The following TLN2 variants were observed in gnomAD, a reference collection of about 807,000 sequenced individuals.
The protein encoded by TLN2 is talin-2.
A neutral mutation model predicts 294.7 loss-of-function variants in TLN2; 118 were observed. The ratio of observed to expected loss-of-function variants is 0.40; its 90% CI spans 0.34 to 0.47. The LOEUF (loss-of-function observed/expected upper bound fraction) is 0.47. Among genes scored for constraint, TLN2 ranks in the 20% least tolerant of loss-of-function variants. TLN2 has a pLI of 0.84. For missense variants in TLN2, 3,083 were observed against 3,282.2 expected, an observed-to-expected ratio of 0.94 and a Z score of 1.48; for synonymous variants, 1,431 against 1,304.5, an observed-to-expected ratio of 1.10 and a Z score of -2.09.
At chr15:62,707,314 G>C in intron 20 of TLN2, 61 bp downstream of exon 20, 5 of 1,507,274 alleles carry the variant, frequency 3.3e-6, no homozygotes, top group Non-Finnish European at 4.4e-6. Context: ...CCTGCCTCCA[G>C]GCATTTGGTG....
At position 62,708,682 on chromosome 15, in the gene TLN2, C is replaced by T. The variant is rs746088148; in HGVS notation, c.2353C>T (p.Leu785=). ...GGTCAGCCAGGCCCTCCATGATCTC[C>T]TGCAGCATGTGCGGCAGTTTGCCAG... ...SVVSQALHDL[L]QHVRQFASRG... The change falls in exon 21 of 59, where the codon CTG becomes TTG. Residue 785 remains leucine, a synonymous_variant. Transcript: ENST00000636159. 2.5e-6 allele frequency: 4 copies of T among 1,614,130 alleles called. No individual in the cohort carries two copies. In the South Asian group the frequency reaches 3.3e-5, roughly 13 times the overall value.
At chr15:62,734,240 A>G (rs1409164062) in intron 28 of TLN2, 1 of 152,226 alleles carries the variant, frequency 6.6e-6, no homozygotes, top group Non-Finnish European at 1.5e-5. Context: ...CTAATTACAT[A>G]TGATAAATGA....
At position 62,800,713 on chromosome 15, in the gene TLN2, A is replaced by G. The variant is rs1430706447; in HGVS notation, c.6421A>G (p.Thr2141Ala). The G allele has an allele frequency of 1.2e-6, 2 of 1,614,018 alleles. No homozygotes were observed. Among genetic ancestry groups the G allele is most frequent in the South Asian group, 2.2e-5 (2 of 91,034 alleles). Residue 2141 changes from threonine (T) to alanine (A), a missense_variant, in exon 50 of 59, where the codon ACC becomes GCC. Coordinates refer to ENST00000636159, the MANE Select transcript of TLN2 (RefSeq NM_015059.3). ...TGTAAAGGCAGTGGAGGATGAGGCC[A>G]CCCGGGGCACCAGGGCGCTTGAGGC... ...KTVKAVEDEA[T>A]RGTRALEATI...
intron 1 of TLN2, among the ~76,000 whole-genome samples, chr15:62,542,537 C>T (rs970991513): frequency 1.3e-5 from 2 of 152,138 alleles, no homozygotes; most frequent in Non-Finnish European, 2.9e-5. Context: ...ACTGAAACTG[C>T]AGATAACGGG....
At chr15:62,702,921 C>T in intron 19 of TLN2, 57 bp downstream of exon 19, 12 of 1,469,350 alleles carry the variant, frequency 8.2e-6, no homozygotes, top group East Asian at 2.3e-5. Flanking sequence ...GGTCTAGACC[C>T]GAGCAGGCAG....
intron 1 of TLN2, among the ~76,000 whole-genome samples, chr15:62,436,341 TG>T (rs2035286504): frequency 6.6e-6 from 1 of 152,218 alleles, no homozygotes; most frequent in Non-Finnish European, 1.5e-5. Context: ...TAACAGTCCT[TG>T]GCAACTGCAG....
At chr15:62,732,807 TA>T (rs373350036) in intron 28 of TLN2, among the ~76,000 whole-genome samples, 85 of 152,292 alleles carry the variant, frequency 5.6e-4, no homozygotes, top group Middle Eastern at 3.4e-3. Context: ...TTTGGCCTTA[TA>T]GCTGAGTGAA....
At chr15:62,465,031 A>G (rs978323793) in intron 1 of TLN2, among the ~76,000 whole-genome samples, 2 of 150,844 alleles carry the variant, frequency 1.3e-5, no homozygotes, top group Non-Finnish European at 2.9e-5. Context: ...TCCCCCCTTA[A>G]ATGATCTTTA....
intron 37 of TLN2, among the ~76,000 whole-genome samples, chr15:62,759,988 T>C (rs1295734130): frequency 1.3e-5 from 2 of 152,234 alleles, no homozygotes; most frequent in African/African-American, 4.8e-5. Context: ...AAGATCACAG[T>C]ACCAAAGTGG....
chr15:62,463,115 T>C (rs2036906986), intron 1 of TLN2, among the ~76,000 whole-genome samples: 1 of 152,204 alleles, frequency 6.6e-6, no homozygotes, highest in East Asian at 1.9e-4. Context: ...GATGTTTTTC[T>C]AGTGTATATT....
intron 41 of TLN2, 23 bp from the exon 42 acceptor site, chr15:62,770,941 G>C (rs1185842857): frequency 8.2e-7 from 1 of 1,222,078 alleles, no homozygotes; most frequent in Non-Finnish European, 1.2e-6. Context: ...TACATCTCTG[G>C]CTTTTTTTTT....
chr15:62,423,670 T>C (rs2034543676), intron 1 of TLN2, among the ~76,000 whole-genome samples: 1 of 152,008 alleles, frequency 6.6e-6, no homozygotes. Flanking sequence ...AATATCCGTC[T>C]CCTGGGTTCA....
chr15:62,494,316 C>T (rs1253891100), intron 1 of TLN2, among the ~76,000 whole-genome samples: 2 of 151,782 alleles, frequency 1.3e-5, no homozygotes, highest in East Asian at 1.9e-4. Context: ...GGCAGGGTCT[C>T]GGGGGCTTTA....
At chr15:62,822,094 A>G (rs1476560295) in intron 54 of TLN2, among the ~76,000 whole-genome samples, 2 of 152,106 alleles carry the variant, frequency 1.3e-5, no homozygotes, top group Admixed American at 6.5e-5. Flanking sequence ...TCCTGTTTCA[A>G]TGTCTTTCCC....
At chr15:62,484,960 C>G (rs547229365) in intron 1 of TLN2, among the ~76,000 whole-genome samples, 1 of 152,320 alleles carries the variant, frequency 6.6e-6, no homozygotes, top group Admixed American at 6.5e-5. Flanking sequence ...TGGAAGGCTG[C>G]CTTCCTTCAG....
In TLN2 at chr15:62,844,562, T is replaced by C. The variant is rs1671425201; in HGVS notation, c.*3952T>C. The C allele has an allele frequency of 6.6e-6, 1 of 152,144 alleles. No homozygotes were observed. Among genetic ancestry groups the C allele is most frequent in the Admixed American group, 6.5e-5 (1 of 15,282 alleles). The allele number at this position is 152,144 out of a possible 1,614,324, so 9.4% of individuals were successfully genotyped here. A position where few individuals can be genotyped will look rare whatever the true frequency, so the allele number is the denominator to read the frequency against. On this transcript the variant is annotated 3_prime_UTR_variant, in exon 59 of 59. Transcript: ENST00000636159. ...CTGCCCTGTGTCGTATCTAATCACA[T>C]ACATTAATTTATCTAACCACATAAG...
At chr15:62,712,517 C>A (rs1428801820) in intron 22 of TLN2, among the ~76,000 whole-genome samples, 2 of 151,584 alleles carry the variant, frequency 1.3e-5, no homozygotes, top group Non-Finnish European at 2.9e-5. Context: ...TTCTTTAAAT[C>A]CCAGTTGCAG....
At position 62,792,615 on chromosome 15, in the gene TLN2, T is replaced by C. The variant is rs766418095; in HGVS notation, c.5737-26T>C. ...TGGCAGAGTCCATCACGCTTCTCCT[T>C]CCCCATCCTGGGCTTGCCTCTGCAG... is the stretch of plus-strand genomic sequence containing the variant. On this transcript the variant is annotated intron_variant, in intron 45 of 58. Coordinates refer to ENST00000636159, the MANE Select transcript of TLN2 (RefSeq NM_015059.3). 4 of 1,608,488 alleles carry C rather than the reference T, an allele frequency of 2.5e-6. No homozygotes were observed. In the South Asian group the frequency reaches 4.4e-5, roughly 18 times the overall value.
At chr15:62,808,184 C>T (rs1225391379) in intron 51 of TLN2, among the ~76,000 whole-genome samples, 1 of 152,150 alleles carries the variant, frequency 6.6e-6, no homozygotes, top group East Asian at 1.9e-4. Context: ...CTTACCTAAA[C>T]CCTAAGTTAA....
Sources: allele counts gnomAD v4.1 joint callset (sites outside exome capture counted in the v4.1 genomes callset), GRCh38; gene constraint gnomAD v4.1.1; transcripts MANE v1.5; gene names NCBI Gene and HGNC (gene_info 2026-07-23, HGNC 2026-07-21).